The following UVRAG variants were observed in gnomAD, a reference collection of about 807,000 sequenced individuals.
UVRAG encodes the protein UV radiation resistance-associated gene protein.
A neutral mutation model predicts 78.0 loss-of-function variants in UVRAG; 19 were observed. That is an observed-to-expected ratio of 0.24 (90% confidence interval 0.17 to 0.36). The LOEUF is 0.36. UVRAG is among the 10% of genes least tolerant of loss of function. The pLI is 1.00. For synonymous variants in UVRAG, 323 were observed against 324.6 expected (o/e 1.00, Z 0.05); for missense variants, 740 against 853.8 (o/e 0.87, Z 1.66).
intron 6 of UVRAG, among the ~76,000 whole-genome samples, chr11:75,933,934 T>A (rs1178214416): frequency 6.6e-6 from 1 of 152,144 alleles, no homozygotes; most frequent in African/African-American, 2.4e-5. Flanking sequence ...CTATGGAGAA[T>A]AGTTTGGAGG....
At chr11:76,084,953 A>G (rs1455375074) in intron 13 of UVRAG, among the ~76,000 whole-genome samples, 2 of 150,600 alleles carry the variant, frequency 1.3e-5, no homozygotes, top group African/African-American at 4.9e-5. Context: ...AATCCCAGCT[A>G]CTCAAGAGGC....
chr11:75,978,819 C>T (rs866878412), intron 7 of UVRAG, among the ~76,000 whole-genome samples: 2 of 152,168 alleles, frequency 1.3e-5, no homozygotes, highest in South Asian at 4.1e-4. Context: ...CGAACATCCT[C>T]CTTTAGCTTG....
intron 14 of UVRAG, among the ~76,000 whole-genome samples, chr11:76,140,182 T>C (rs1172739362): frequency 2.8e-5 from 4 of 142,718 alleles, no homozygotes; most frequent in Admixed American, 7.3e-5. Flanking sequence ...TAATGCAAGG[T>C]GGTTAGCATT....
intron 7 of UVRAG, among the ~76,000 whole-genome samples, chr11:75,964,792 C>T (rs1416486393): frequency 1.3e-5 from 2 of 152,144 alleles, no homozygotes; most frequent in Admixed American, 6.5e-5. Context: ...TTTTGTATCA[C>T]GTACGTAAGG....
chr11:76,020,614 A>T (rs1950227547), intron 12 of UVRAG, among the ~76,000 whole-genome samples: 1 of 150,094 alleles, frequency 6.7e-6, no homozygotes, highest in South Asian at 2.1e-4. Flanking sequence ...TGCAAGACAA[A>T]GTCTCCCTTC....
intron 4 of UVRAG, among the ~76,000 whole-genome samples, chr11:75,880,994 A>C (rs930746737): frequency 3.3e-5 from 4 of 119,828 alleles, no homozygotes; most frequent in Admixed American, 2.4e-4. Flanking sequence ...CCTAGGCTGG[A>C]GTGCAGTGGT....
At chr11:75,862,873 G>A (rs1946453343) in intron 3 of UVRAG, among the ~76,000 whole-genome samples, 1 of 152,160 alleles carries the variant, frequency 6.6e-6, no homozygotes, top group Admixed American at 6.5e-5. Flanking sequence ...CTGTTACCCT[G>A]GAGTCTAGAA....
At chr11:76,010,753 C>T (rs527670109) in intron 11 of UVRAG, among the ~76,000 whole-genome samples, 1 of 151,940 alleles carries the variant, frequency 6.6e-6, no homozygotes, top group South Asian at 2.1e-4. Context: ...GAATTTGTTG[C>T]AAAAGAGAGA....
chr11:75,817,479 A>G (rs568846303), intron 1 of UVRAG, among the ~76,000 whole-genome samples: 35 of 152,318 alleles, frequency 2.3e-4, no homozygotes, highest in African/African-American at 8.4e-4. Context: ...GCTGAATGCT[A>G]TATGAGTGCC....
intron 6 of UVRAG, among the ~76,000 whole-genome samples, chr11:75,912,859 T>C (rs543722424): frequency 6.6e-6 from 1 of 152,370 alleles, no homozygotes; most frequent in East Asian, 1.9e-4. Flanking sequence ...TTTGTGAAAC[T>C]TGAATCTTAT....
At chr11:75,932,409 C>T (rs1261872475) in intron 6 of UVRAG, among the ~76,000 whole-genome samples, 8 of 151,938 alleles carry the variant, frequency 5.3e-5, no homozygotes, top group Admixed American at 1.3e-4. Flanking sequence ...CTCAGCCTCC[C>T]GAATAGCTGG....
chr11:75,980,427 A>C (rs1033101591), intron 7 of UVRAG, among the ~76,000 whole-genome samples: 1 of 152,108 alleles, frequency 6.6e-6, no homozygotes, highest in Non-Finnish European at 1.5e-5. Context: ...GGGCTTCCTA[A>C]AGTGCTGAGA....
At chr11:76,052,556 A>G (rs1288643311) in intron 12 of UVRAG, among the ~76,000 whole-genome samples, 1 of 152,088 alleles carries the variant, frequency 6.6e-6, no homozygotes, top group Non-Finnish European at 1.5e-5. Context: ...CATTTACCAT[A>G]TTATCAGCGC....
chr11:75,846,051 T>G (rs752070777), intron 1 of UVRAG, among the ~76,000 whole-genome samples: 10 of 152,240 alleles, frequency 6.6e-5, no homozygotes, highest in Non-Finnish European at 1.5e-4. Context: ...ATTTAGATCA[T>G]AAAAATGTTT....
rs11236590 is a variant in UVRAG at position 75,974,527 on chromosome 11, C to A, written c.700-8860C>A. 2.8e-4 allele frequency among the ~76,000 whole-genome samples: 43 copies of A among 151,344 alleles called. 1 individual carries two copies. The East Asian group carries it at 7.9e-3, about 28-fold the overall frequency. On this transcript the variant is annotated intron_variant, in intron 7 of 14. Coordinates refer to ENST00000356136, the MANE Select transcript of UVRAG (RefSeq NM_003369.4). ...GACTACAGGCACCCGCCACCGCGCC[C>A]GGCTAATTTTTTGTATTTTTAGTAG...
At chr11:76,125,995 G>C (rs1262075965) in intron 14 of UVRAG, among the ~76,000 whole-genome samples, 1 of 148,588 alleles carries the variant, frequency 6.7e-6, no homozygotes, top group African/African-American at 2.5e-5. Context: ...TGTCACCCAG[G>C]CTGGAGTGCA....
At position 75,869,594 on chromosome 11, in the gene UVRAG, A is replaced by T. The variant is rs144896929; in HGVS notation, c.270+7814A>T. Among the ~76,000 whole-genome samples the T allele has an allele frequency of 2.9e-3, 444 of 152,344 alleles. 4 individuals are homozygous for T. The highest frequency in any genetic ancestry group is 1.0e-2 in the African/African-American group (415 of 41,574). The stretch of plus-strand genomic sequence containing the variant: ...ACAGAGATAATCAACAAATCAACAC[A>T]TGGAATTATATGTAGTACCAGGGAA... On this transcript the variant is annotated intron_variant, in intron 3 of 14. Transcript: ENST00000356136.
chr11:75,893,670 CAAAAAAAAAA>C (rs1048785134), intron 5 of UVRAG, among the ~76,000 whole-genome samples: 19 of 60,392 alleles, frequency 3.1e-4, no homozygotes, highest in Non-Finnish European at 5.3e-4. Context: ...CTATCTCTAC[CAAAAAAAAAA>C]AAAAAAAAAA....
chr11:75,926,523 C>T (rs7111334), intron 6 of UVRAG, among the ~76,000 whole-genome samples: 29,913 of 152,052 alleles, frequency 0.2, 5,026 homozygotes, highest in African/African-American at 0.46. Context: ...GATTTAAACT[C>T]ATGAAAAATT....
Sources: gnomAD v4.1 joint callset for allele counts (sites outside exome capture counted in the v4.1 genomes callset) on GRCh38, gnomAD v4.1.1 for gene constraint, MANE v1.5 for transcripts, NCBI Gene and HGNC (gene_info 2026-07-23, HGNC 2026-07-21) for gene names.